PCDH15: variants seen among roughly 807,000 people sequenced by gnomAD.
PCDH15 encodes protocadherin-15.
A neutral mutation model predicts 178.5 loss-of-function variants in PCDH15; 129 were observed. That is an observed-to-expected ratio of 0.72 (90% confidence interval 0.63 to 0.84). The LOEUF (loss-of-function observed/expected upper bound fraction) is 0.84. Among genes scored for constraint, PCDH15 ranks in the 40% least tolerant of loss-of-function variants. The probability of loss-of-function intolerance (pLI) is 0.00; values close to 1 mark genes in which losing one functional copy is unlikely to be tolerated. For missense variants in PCDH15, 2,230 were observed against 2,099.9 expected (o/e 1.06, Z -1.21); for synonymous variants, 800 against 732.0 (o/e 1.09, Z -1.50).
At chr10:53,999,951 A>C (rs1170468906) in intron 20 of PCDH15, among the ~76,000 whole-genome samples, 1 of 152,186 alleles carries the variant, frequency 6.6e-6, no homozygotes, top group Non-Finnish European at 1.5e-5. Flanking sequence ...AGTGGGGTCC[A>C]CAGGGGTGCT....
chr10:54,056,823 AAAATC>A (rs2093900444), intron 18 of PCDH15, among the ~76,000 whole-genome samples: 1 of 152,210 alleles, frequency 6.6e-6, no homozygotes, highest in Admixed American at 6.5e-5. Context: ...ATGAGCCTGT[AAAATC>A]AAAAGTGAGT....
At chr10:55,622,767 C>A (rs1297723591) in intron 2 of PCDH15, among the ~76,000 whole-genome samples, 1 of 152,146 alleles carries the variant, frequency 6.6e-6, no homozygotes, top group Non-Finnish European at 1.5e-5. Flanking sequence ...ATTTCTCACA[C>A]TGGCAAAAGA....
chr10:54,262,622 A>T (rs746434132), intron 8 of PCDH15, among the ~76,000 whole-genome samples: 7 of 152,144 alleles, frequency 4.6e-5, no homozygotes, highest in Non-Finnish European at 1.0e-4. Flanking sequence ...TACACCACGC[A>T]GGGACATTGA....
At chr10:53,900,251 G>GTC (rs1329519109) in intron 26 of PCDH15, among the ~76,000 whole-genome samples, 5 of 132,740 alleles carry the variant, frequency 3.8e-5, no homozygotes, top group East Asian at 4.4e-4. Flanking sequence ...CTCTCTGTCT[G>GTC]TCTCTCTCTC....
intron 2 of PCDH15, among the ~76,000 whole-genome samples, chr10:54,604,417 TTC>T (rs1475411768): frequency 2.6e-5 from 4 of 151,990 alleles, no homozygotes; most frequent in African/African-American, 9.6e-5. Flanking sequence ...ATTTCTCCAG[TTC>T]TGTCAGTGTT....
At chr10:55,195,692 T>C (rs966990719) in intron 1 of PCDH15, among the ~76,000 whole-genome samples, 5 of 150,374 alleles carry the variant, frequency 3.3e-5, no homozygotes, top group African/African-American at 1.2e-4. Flanking sequence ...GAGACATGCG[T>C]GATAGATTTA....
chr10:55,398,906 G>A (rs1340196214), intron 2 of PCDH15, among the ~76,000 whole-genome samples: 3 of 151,950 alleles, frequency 2.0e-5, no homozygotes, highest in African/African-American at 7.3e-5. Context: ...TATGGGATAA[G>A]AAAAAGAGAA....
At chr10:55,080,044 T>C (rs1841998298) in intron 2 of PCDH15, among the ~76,000 whole-genome samples, 1 of 152,010 alleles carries the variant, frequency 6.6e-6, no homozygotes, top group Non-Finnish European at 1.5e-5. Flanking sequence ...TCCTGCTATT[T>C]GTGTTGGTGG....
chr10:55,151,788 T>A (rs1377575020), intron 2 of PCDH15, among the ~76,000 whole-genome samples: 1 of 152,052 alleles, frequency 6.6e-6, no homozygotes. Flanking sequence ...TAAGAACTGA[T>A]GATATAAAGA....
intron 3 of PCDH15, among the ~76,000 whole-genome samples, chr10:54,522,178 G>T (rs1372425053): frequency 6.7e-6 from 1 of 150,078 alleles, no homozygotes; most frequent in East Asian, 2.0e-4. Flanking sequence ...TTTTAATTAT[G>T]CGCTGCTATG....
chr10:55,316,219 A>G (rs1410777063), intron 1 of PCDH15, among the ~76,000 whole-genome samples: 2 of 152,190 alleles, frequency 1.3e-5, no homozygotes, highest in Non-Finnish European at 2.9e-5. Flanking sequence ...GTCACTGGTC[A>G]TTAATGCCAT....
intron 1 of PCDH15, among the ~76,000 whole-genome samples, chr10:55,258,206 GA>G (rs1842052755): frequency 6.6e-6 from 1 of 152,132 alleles, no homozygotes; most frequent in Non-Finnish European, 1.5e-5. Flanking sequence ...AGTATTTTAA[GA>G]AAACTATAAT....
chr10:55,057,148 G>A lies in PCDH15; in HGVS notation c.-80+109428C>T, dbSNP rs143250317. Among the ~76,000 whole-genome samples, 252 of 152,208 alleles carry A rather than the reference G, an allele frequency of 1.7e-3. 1 individual carries two copies. In the Middle Eastern group the frequency reaches 0.027, roughly 16 times the overall value. On this transcript the variant is annotated intron_variant, in intron 2 of 5. Coordinates refer to the PCDH15 transcript ENST00000458638. ...CTATCGTCAGACAAGGGCCTACACT[G>A]TAGAGACTCCTGGGTCCAACCAAAA...
intron 18 of PCDH15, among the ~76,000 whole-genome samples, chr10:54,045,026 C>G (rs2093628555): frequency 6.6e-6 from 1 of 152,082 alleles, no homozygotes; most frequent in Admixed American, 6.6e-5. Flanking sequence ...TATACAGTAC[C>G]ACCCAGCAGT....
intron 2 of PCDH15, among the ~76,000 whole-genome samples, chr10:54,591,703 C>G (rs779308016): frequency 2.6e-5 from 4 of 151,730 alleles, no homozygotes; most frequent in Non-Finnish European, 4.4e-5. Context: ...TGAATAAAAC[C>G]AAAAATAGGA....
At chr10:55,593,606 A>G (rs1356662290) in intron 2 of PCDH15, among the ~76,000 whole-genome samples, 2 of 151,940 alleles carry the variant, frequency 1.3e-5, no homozygotes, top group African/African-American at 4.8e-5. Context: ...CTGAATACCT[A>G]AAATATATTA....
At chr10:53,955,700 A>C (rs2087545229) in intron 23 of PCDH15, among the ~76,000 whole-genome samples, 1 of 152,248 alleles carries the variant, frequency 6.6e-6, no homozygotes, top group South Asian at 2.1e-4. Context: ...ATTTCCCCCA[A>C]ATTTGATCAC....
intron 2 of PCDH15, among the ~76,000 whole-genome samples, chr10:54,994,886 T>A (rs1839597648): frequency 6.6e-6 from 1 of 152,178 alleles, no homozygotes; most frequent in African/African-American, 2.4e-5. Context: ...TGATAAATTA[T>A]CAGTGTTCCA....
At chr10:55,416,905 A>C (rs1474722463) in intron 2 of PCDH15, among the ~76,000 whole-genome samples, 1 of 151,792 alleles carries the variant, frequency 6.6e-6, no homozygotes, top group Non-Finnish European at 1.5e-5. Flanking sequence ...TCTTGGATAA[A>C]TAAAAAGAGG....
Sources: allele counts gnomAD v4.1 joint callset (sites outside exome capture counted in the v4.1 genomes callset), GRCh38; gene constraint gnomAD v4.1.1; transcripts MANE v1.5; gene names NCBI Gene and HGNC (gene_info 2026-07-23, HGNC 2026-07-21).